The following RNF121 variants were observed in gnomAD, a reference collection of about 807,000 sequenced individuals.
RNF121 encodes the protein E3 ubiquitin ligase RNF121.
In RNF121, 21 loss-of-function variants were observed where a neutral mutation model predicts 46.5. The ratio of observed to expected loss-of-function variants is 0.45; its 90% CI spans 0.32 to 0.65. RNF121 has a LOEUF of 0.65. RNF121 is among the 30% of genes least tolerant of loss of function. The pLI, the probability that RNF121 is intolerant of heterozygous loss-of-function variation, is 0.04. For missense variants in RNF121, 346 were observed against 416.0 expected, an observed-to-expected ratio of 0.83 and a Z score of 1.46; for synonymous variants, 139 against 144.7, an observed-to-expected ratio of 0.96 and a Z score of 0.28.
chr11:71,990,086 G>C (rs1160159147), intron 5 of RNF121, among the ~76,000 whole-genome samples: 2 of 152,172 alleles, frequency 1.3e-5, no homozygotes, highest in Non-Finnish European at 1.5e-5. Context: ...TCAGAAAGAG[G>C]GGCATGTGGC....
In RNF121 at chr11:71,960,945, C is replaced by T. The variant is rs997305230; in HGVS notation, c.243+54C>T. 15 of 1,589,390 alleles carry T rather than the reference C, an allele frequency of 9.4e-6. No individual in the cohort carries two copies. The African/African-American group carries it at 2.0e-4, about 21-fold the overall frequency. On this transcript the variant is annotated intron_variant, in intron 3 of 8. Coordinates refer to ENST00000361756, the MANE Select transcript of RNF121 (RefSeq NM_018320.5). ...TCTGTCAGTCATCAAGAGACCCTTCCTAAGTATTCTAGGTCCCAGCCTAAC... is the reference window on the plus strand; with the variant it reads ...TCTGTCAGTCATCAAGAGACCCTTCTTAAGTATTCTAGGTCCCAGCCTAAC...
At chr11:71,985,947 AAAAG>A (rs963767687) in intron 4 of RNF121, among the ~76,000 whole-genome samples, 1 of 152,006 alleles carries the variant, frequency 6.6e-6, no homozygotes, top group Non-Finnish European at 1.5e-5. Flanking sequence ...AAAACAAAAA[AAAAG>A]GCCCTGGTTC....
intron 1 of RNF121, among the ~76,000 whole-genome samples, chr11:71,936,882 GTGCTT>G (rs1461256646): frequency 2.1e-4 from 32 of 152,296 alleles, no homozygotes; most frequent in Admixed American, 5.2e-4. Context: ...GCCTTGCTCA[GTGCTT>G]GGCACATAGC....
chr11:71,972,470 T>G (rs1393516907), intron 3 of RNF121, among the ~76,000 whole-genome samples: 4 of 152,168 alleles, frequency 2.6e-5, no homozygotes, highest in Non-Finnish European at 5.9e-5. Flanking sequence ...CTAGTGCAGG[T>G]TGGTGGCGCA....
intron 3 of RNF121, among the ~76,000 whole-genome samples, chr11:71,980,731 A>G (rs1334608283): frequency 6.6e-6 from 1 of 152,216 alleles, no homozygotes; most frequent in Non-Finnish European, 1.5e-5. Context: ...TCTAAGCTGC[A>G]CTACCTATTA....
chr11:71,972,905 G>T (rs1259091797), intron 3 of RNF121, among the ~76,000 whole-genome samples: 1 of 152,116 alleles, frequency 6.6e-6, no homozygotes, highest in South Asian at 2.1e-4. Flanking sequence ...TAGGCTGGGC[G>T]GCTGGGTGCG....
chr11:71,987,838 A>G (rs1350196001), intron 5 of RNF121, among the ~76,000 whole-genome samples: 1 of 152,256 alleles, frequency 6.6e-6, no homozygotes, highest in Non-Finnish European at 1.5e-5. Context: ...AAGTCTTCAC[A>G]GTAGACTCAG....
chr11:71,994,956 C>T (rs1954945075), intron 7 of RNF121, 104 bp downstream of exon 7: 1 of 1,494,132 alleles, frequency 6.7e-7, no homozygotes, highest in Non-Finnish European at 9.2e-7. Flanking sequence ...TGTCCAGACC[C>T]TTGAGTGTAG....
chr11:71,993,666 A>C (rs1954911373), intron 6 of RNF121, among the ~76,000 whole-genome samples: 2 of 152,084 alleles, frequency 1.3e-5, no homozygotes, highest in South Asian at 4.2e-4. Context: ...ACTGGCGTTT[A>C]AGTGTGTTTA....
At chr11:71,989,532 G>A (rs2134215661) in intron 5 of RNF121, among the ~76,000 whole-genome samples, 1 of 152,272 alleles carries the variant, frequency 6.6e-6, no homozygotes, top group East Asian at 1.9e-4. Flanking sequence ...TTTCTAGTGA[G>A]TTAAATATTC....
At chr11:71,936,994 G>A (rs181944585) in intron 1 of RNF121, among the ~76,000 whole-genome samples, 11 of 152,306 alleles carry the variant, frequency 7.2e-5, no homozygotes, top group Admixed American at 2.6e-4. Context: ...AGGTTGACTG[G>A]CATGCCTACT....
At chr11:71,967,988 GAT>G in intron 3 of RNF121, among the ~76,000 whole-genome samples, 1 of 151,972 alleles carries the variant, frequency 6.6e-6, no homozygotes, top group East Asian at 1.9e-4. Flanking sequence ...ATTTGCTACG[GAT>G]ATCTTTCCCC....
intron 2 of RNF121, among the ~76,000 whole-genome samples, chr11:71,959,384 A>C (rs999621292): frequency 1.3e-5 from 2 of 152,118 alleles, no homozygotes; most frequent in African/African-American, 4.8e-5. Flanking sequence ...TATTTGCTTT[A>C]TTGTTTATAA....
rs2134205719 is a variant in RNF121 at position 71,982,687 on chromosome 11, A to G, written c.244-74A>G. The G allele has an allele frequency of 3.4e-6, 5 of 1,456,686 alleles. No homozygotes were observed. The South Asian group carries it at 7.2e-5, about 21-fold the overall frequency. 90.2% of individuals were successfully genotyped at this position (1,456,686 alleles called of 1,614,324 possible). ...GAGGATCAAGCTAAAATAGAAAACA[A>G]GCTGCATTTGGGACTGTGGACAGAG... On this transcript the variant is annotated intron_variant, in intron 3 of 8. Coordinates refer to ENST00000361756, the MANE Select transcript of RNF121 (RefSeq NM_018320.5).
At chr11:71,963,571 G>C (rs1385850711) in intron 3 of RNF121, among the ~76,000 whole-genome samples, 1 of 152,100 alleles carries the variant, frequency 6.6e-6, no homozygotes, top group Non-Finnish European at 1.5e-5. Flanking sequence ...AATGAGCCAA[G>C]ATCGCACCAC....
intron 3 of RNF121, among the ~76,000 whole-genome samples, chr11:71,967,897 C>G (rs866666032): frequency 1.8e-4 from 28 of 152,076 alleles, no homozygotes; most frequent in African/African-American, 6.5e-4. Flanking sequence ...CATTTTCTTT[C>G]CTTTGCTCAG....
At chr11:71,956,336 T>C (rs1281724528) in intron 1 of RNF121, among the ~76,000 whole-genome samples, 1 of 152,188 alleles carries the variant, frequency 6.6e-6, no homozygotes, top group Non-Finnish European at 1.5e-5. Flanking sequence ...TCTGTATGAC[T>C]GCAAGGAGGT....
intron 3 of RNF121, among the ~76,000 whole-genome samples, chr11:71,976,345 CTTTTTTTTTTTTTTT>C (rs35710756): frequency 2.2e-5 from 1 of 46,068 alleles, no homozygotes; most frequent in African/African-American, 9.3e-5. Flanking sequence ...TGGGTATATT[CTTTTTTTTTTTTTTT>C]TTTTTTTTTT....
At chr11:71,949,289 G>A (rs1361240016) in intron 1 of RNF121, among the ~76,000 whole-genome samples, 4 of 152,112 alleles carry the variant, frequency 2.6e-5, no homozygotes, top group South Asian at 2.1e-4. Flanking sequence ...GTGGTGGCAC[G>A]TGCCTATAGT....
Sources: gnomAD v4.1 joint callset for allele counts (sites outside exome capture counted in the v4.1 genomes callset) on GRCh38, gnomAD v4.1.1 for gene constraint, MANE v1.5 for transcripts, NCBI Gene and HGNC (gene_info 2026-07-23, HGNC 2026-07-21) for gene names.